EDA: variants seen among roughly 807,000 people sequenced by gnomAD.
EDA encodes the protein ectodysplasin-A.
A neutral mutation model predicts 23.6 loss-of-function variants in EDA; 2 were observed. The observed-to-expected ratio is 0.08, with a 90% CI of 0.03 to 0.27. EDA has a LOEUF of 0.27. EDA is among the 10% of genes least tolerant of loss of function. EDA has a pLI of 1.00. For missense variants in EDA, 229 were observed against 324.2 expected (o/e 0.71, Z 2.26); for synonymous variants, 131 against 132.0 (o/e 0.99, Z 0.05).
intron 1 of EDA, among the ~76,000 whole-genome samples, chrX:69,758,505 A>T (rs1411082445): frequency 8.9e-6 from 1 of 112,482 alleles, no homozygotes; most frequent in East Asian, 2.8e-4. Context: ...TTCAGCAAAC[A>T]TTTTTTGAGC....
intron 1 of EDA, among the ~76,000 whole-genome samples, chrX:69,725,071 A>G (rs2012740689): frequency 8.9e-6 from 1 of 112,245 alleles, no homozygotes; most frequent in Non-Finnish European, 1.9e-5. Flanking sequence ...CTTTCAGTTT[A>G]CATGCCATTA....
At chrX:69,859,505 C>A (rs1439117406) in intron 1 of EDA, among the ~76,000 whole-genome samples, 2 of 112,174 alleles carry the variant, frequency 1.8e-5, no homozygotes, top group African/African-American at 6.5e-5. Context: ...CATTCAGGAG[C>A]AGGTTATTCA....
At position 69,758,203 on chromosome X, in the gene EDA, T is replaced by A. The variant is rs780522673; in HGVS notation, c.396+141499T>A. On this transcript the variant is annotated intron_variant, in intron 1 of 7. Transcript: ENST00000374552. ...GGGTATAGGCTTCAAAAGGTGTTCATCTTCATCTTTATACACAAAGAGCAA... is the reference window on the plus strand; with the variant it reads ...GGGTATAGGCTTCAAAAGGTGTTCAACTTCATCTTTATACACAAAGAGCAA... Among the ~76,000 whole-genome samples, 6 of 112,477 alleles carry A rather than the reference T, an allele frequency of 5.3e-5. No homozygotes were observed. The East Asian group carries it at 1.7e-3, about 32-fold the overall frequency.
At chrX:69,913,436 C>A (rs1326842151) in intron 1 of EDA, among the ~76,000 whole-genome samples, 1 of 112,381 alleles carries the variant, frequency 8.9e-6, no homozygotes, top group Non-Finnish European at 1.9e-5. Flanking sequence ...ACCTTTGCTA[C>A]CTTCCAACTT....
chrX:69,869,931 G>A (rs749897708), intron 1 of EDA, among the ~76,000 whole-genome samples: 15 of 112,025 alleles, frequency 1.3e-4, no homozygotes, highest in African/African-American at 4.9e-4. Flanking sequence ...CAAAGATGCA[G>A]GTGCTGCCCT....
chrX:69,729,958 G>T (rs2012958291), intron 1 of EDA, among the ~76,000 whole-genome samples: 1 of 111,418 alleles, frequency 9.0e-6, no homozygotes, highest in Non-Finnish European at 1.9e-5. Flanking sequence ...ATTTTATGCT[G>T]CTTTATTTTT....
At chrX:69,908,727 G>T (rs1273235604) in intron 1 of EDA, among the ~76,000 whole-genome samples, 1 of 109,722 alleles carries the variant, frequency 9.1e-6, no homozygotes, top group Admixed American at 9.9e-5. Context: ...AGAAAAAATG[G>T]TATATGTAGG....
At position 69,732,757 on chromosome X, in the gene EDA, A is replaced by G. The variant is rs774850112; in HGVS notation, c.396+116053A>G. 8.9e-5 allele frequency among the ~76,000 whole-genome samples: 10 copies of G among 111,812 alleles called. No individual in the cohort carries two copies. In the South Asian group the frequency reaches 1.1e-3, roughly 13 times the overall value. ...CCTATTTCTCCACATCCTCTCCAGCACCTGTTGTTTCCTGACTTTTTAATG... is the reference window on the plus strand; with the variant it reads ...CCTATTTCTCCACATCCTCTCCAGCGCCTGTTGTTTCCTGACTTTTTAATG... On this transcript the variant is annotated intron_variant, in intron 1 of 7. Coordinates refer to ENST00000374552, the MANE Select transcript of EDA (RefSeq NM_001399.5).
intron 1 of EDA, among the ~76,000 whole-genome samples, chrX:69,693,523 C>T (rs7890121): frequency 0.06 from 6,717 of 111,476 alleles, 471 homozygotes; most frequent in African/African-American, 0.2. Context: ...GACACAATAC[C>T]TCTGATCATA....
intron 1 of EDA, among the ~76,000 whole-genome samples, chrX:69,718,074 C>T (rs1341315881): frequency 8.9e-6 from 1 of 111,837 alleles, no homozygotes; most frequent in African/African-American, 3.2e-5. Flanking sequence ...TCCTATACAA[C>T]CAGTGGAACT....
chrX:69,671,616 G>A (rs1309772499), intron 1 of EDA, among the ~76,000 whole-genome samples: 1 of 111,792 alleles, frequency 8.9e-6, no homozygotes, highest in Non-Finnish European at 1.9e-5. Flanking sequence ...TTCCAAGCTG[G>A]TTCCAAGCTG....
At chrX:69,781,953 G>A (rs868479022) in intron 1 of EDA, among the ~76,000 whole-genome samples, 4 of 110,153 alleles carry the variant, frequency 3.6e-5, no homozygotes, top group Admixed American at 9.8e-5. Flanking sequence ...AGCATAGCAC[G>A]GGGAGGGGAA....
intron 1 of EDA, among the ~76,000 whole-genome samples, chrX:69,715,550 A>G (rs1332928475): frequency 8.9e-6 from 1 of 111,869 alleles, no homozygotes; most frequent in African/African-American, 3.2e-5. Context: ...TGCAGTGAAC[A>G]TACGCCACAT....
At chrX:69,828,137 T>A (rs1477077184) in intron 1 of EDA, among the ~76,000 whole-genome samples, 5 of 111,257 alleles carry the variant, frequency 4.5e-5, no homozygotes, top group Non-Finnish European at 9.4e-5. Flanking sequence ...TCTGCAGAAG[T>A]TACTGCTGTC....
intron 1 of EDA, among the ~76,000 whole-genome samples, chrX:69,649,359 G>A (rs902887403): frequency 1.8e-5 from 2 of 111,852 alleles, no homozygotes; most frequent in Non-Finnish European, 3.8e-5. Context: ...GTGTCAATAG[G>A]AGAATGGTAA....
At chrX:69,831,168 A>C (rs1260062499) in intron 1 of EDA, among the ~76,000 whole-genome samples, 1 of 110,670 alleles carries the variant, frequency 9.0e-6, no homozygotes, top group Non-Finnish European at 1.9e-5. Flanking sequence ...GCACCCATCA[A>C]CTCATCATTT....
At chrX:69,754,894 T>G (rs1156318490) in intron 1 of EDA, among the ~76,000 whole-genome samples, 2 of 112,217 alleles carry the variant, frequency 1.8e-5, no homozygotes, top group Non-Finnish European at 3.8e-5. Flanking sequence ...GCCAAGGTCT[T>G]CAGCTCCATC....
Position 69,616,207 on chromosome X carries a change from C to T in EDA, c.-102C>T. 2.9e-6 allele frequency: 3 copies of T among 1,029,977 alleles called. No homozygotes were observed. The highest frequency in any genetic ancestry group is 1.3e-6 in the Non-Finnish European group (1 of 767,620). 84.9% of individuals were successfully genotyped at this position (1,029,977 alleles called of 1,213,427 possible). On this transcript the variant is annotated 5_prime_UTR_variant, in exon 1 of 8. Coordinates refer to ENST00000374552, the MANE Select transcript of EDA (RefSeq NM_001399.5). ...CGCGCAGGAACGGGTCCCTGCAGCCCCCAGCCGATGGCAGGACAGTAGCCG... is the reference window on the plus strand; with the variant it reads ...CGCGCAGGAACGGGTCCCTGCAGCCTCCAGCCGATGGCAGGACAGTAGCCG...
chrX:69,804,069 T>C (rs1195233489), intron 1 of EDA, among the ~76,000 whole-genome samples: 1 of 111,158 alleles, frequency 9.0e-6, no homozygotes, highest in Non-Finnish European at 1.9e-5. Flanking sequence ...TATTAATGGA[T>C]ACTTAGGTTC....
Sources: allele counts gnomAD v4.1 joint callset (sites outside exome capture counted in the v4.1 genomes callset), GRCh38; gene constraint gnomAD v4.1.1; transcripts MANE v1.5; gene names NCBI Gene and HGNC (gene_info 2026-07-23, HGNC 2026-07-21).